The following ADAM33 variants were observed in gnomAD, a reference collection of about 807,000 sequenced individuals.
The protein encoded by ADAM33 is disintegrin and metalloproteinase domain-containing protein 33.
ADAM33 carries 103 observed loss-of-function variants against 106.2 expected under a neutral mutation model. That is an observed-to-expected ratio of 0.97 (90% CI 0.83 to 1.14). The LOEUF (loss-of-function observed/expected upper bound fraction) is 1.14, where lower values mean the gene tolerates loss of function less well. Ranked by LOEUF, ADAM33 falls within the 50% of genes most tolerant of loss-of-function variation. The probability of loss-of-function intolerance (pLI) is 0.00; values close to 1 mark genes in which losing one functional copy is unlikely to be tolerated. For missense variants in ADAM33, 1,120 were observed against 1,096.6 expected, an observed-to-expected ratio of 1.02 and a Z score of -0.30; for synonymous variants, 483 against 453.0, an observed-to-expected ratio of 1.07 and a Z score of -0.84.
At position 3,672,754 on chromosome 20, in the gene ADAM33, T is replaced by C. The variant is rs1009190461; in HGVS notation, c.1278A>G (p.Glu426=). ...GGCCGCAGTCACACTCCTCGCCCGC[T>C]TCCACGAAGCCGTTCCCGCAGAGCG... ...PPALCGNGFV[E]AGEECDCGPG... is the part of the protein sequence containing the mutation. The change falls in exon 12 of 22, where the codon GAA becomes GAG. Residue 426 remains glutamate (E), a synonymous_variant. Coordinates refer to ENST00000356518, the MANE Select transcript of ADAM33 (RefSeq NM_025220.5). The C allele has an allele frequency of 1.3e-6, 2 of 1,569,152 alleles. No individual in the cohort carries two copies. The highest frequency in any genetic ancestry group is 1.7e-6 in the Non-Finnish European group (2 of 1,157,078).
chr20:3,678,987 C>T (rs2088210678), intron 2 of ADAM33, among the ~76,000 whole-genome samples: 2 of 152,038 alleles, frequency 1.3e-5, no homozygotes, highest in Non-Finnish European at 2.9e-5. Context: ...AGGAGAGTGA[C>T]CACTGCCCCC....
chr20:3,673,796 C>A lies in ADAM33; in HGVS notation c.854G>T (p.Trp285Leu). 1 of 1,539,536 alleles carries A rather than the reference C, an allele frequency of 6.5e-7. No individual in the cohort carries two copies. Among genetic ancestry groups the A allele is most frequent in the Non-Finnish European group, 8.7e-7 (1 of 1,148,760 alleles). Reference sequence around the variant, plus strand: ...CCGCTGCGCCCACAGCCCCCGGCGCCACTGCAGGAAGGCCCAGAGCGTGGC... The same window carrying A: ...CCGCTGCGCCCACAGCCCCCGGCGCAACTGCAGGAAGGCCCAGAGCGTGGC... ...ANATLWAFLQ[W>L]RRGLWAQRPH... Residue 285 changes from tryptophan to leucine, a missense_variant, in exon 9 of 22, where the codon TGG becomes TTG. Trp to Leu is a moderately conservative substitution (Grantham distance 61). Transcript: ENST00000356518.
chr20:3,678,759 A>G (rs2088189308), intron 2 of ADAM33, among the ~76,000 whole-genome samples: 1 of 152,230 alleles, frequency 6.6e-6, no homozygotes, highest in African/African-American at 2.4e-5. Flanking sequence ...CTGTGTGACC[A>G]TGGACAATTT....
chr20:3,672,809 G>T lies in ADAM33; in HGVS notation c.1223C>A (p.Ala408Asp). 6.3e-7 allele frequency: 1 copy of T among 1,577,890 alleles called. No individual in the cohort carries two copies. The highest frequency in any genetic ancestry group is 8.6e-7 in the Non-Finnish European group (1 of 1,165,598). The change falls in exon 12 of 22, where the codon GCC becomes GAC. Residue 408 changes from alanine to aspartate, a missense_variant. Ala to Asp is a moderately radical substitution (Grantham distance 126, BLOSUM62 -2). Transcript: ENST00000356518. ...CGGCACCGGGAGTCCGGGGTCCGGG[G>T]CATTGGAGAGGCAAGCGCCGCCCCC... ...RKGGGACLSNAPDPGLPVPPA... is the reference protein window; with the variant it reads ...RKGGGACLSNDPDPGLPVPPA...
intron 2 of ADAM33, among the ~76,000 whole-genome samples, chr20:3,678,702 TA>T (rs1484109327): frequency 6.6e-6 from 1 of 152,210 alleles, no homozygotes; most frequent in African/African-American, 2.4e-5. Context: ...GCCAATGGTT[TA>T]AAATCGTTCA....
In ADAM33 at chr20:3,677,061, A is replaced by T. The variant is rs2088033384; in HGVS notation, c.254+6T>A. 1.9e-6 allele frequency: 3 copies of T among 1,612,092 alleles called. No individual in the cohort carries two copies. Among genetic ancestry groups the T allele is most frequent in the Non-Finnish European group, 2.5e-6 (3 of 1,179,618 alleles). On this transcript the variant is annotated splice_donor_region_variant and intron_variant, in intron 3 of 21. Coordinates refer to ENST00000356518, the MANE Select transcript of ADAM33 (RefSeq NM_025220.5). ...CCTCCCAGCCCTACCCCAGCCTGGC[A>T]CTCACTGGTTCTTCTCCAGCTCAAG...
rs755199691 is a variant in ADAM33, at chr20:3,672,114, G to A, written c.1597+20C>T. 1.2e-6 allele frequency: 2 copies of A among 1,605,144 alleles called. No homozygotes were observed. The highest frequency in any genetic ancestry group is 2.2e-5 in the South Asian group (2 of 90,176). ...CCAGAGGATGGGGGGCAGGGTGCAAGGGTGCTCGTGTCCTCTCACCAGGCC... is the reference window on the plus strand; with the variant it reads ...CCAGAGGATGGGGGGCAGGGTGCAAAGGTGCTCGTGTCCTCTCACCAGGCC... On this transcript the variant is annotated intron_variant, in intron 14 of 21. Coordinates refer to ENST00000356518, the MANE Select transcript of ADAM33 (RefSeq NM_025220.5).
In ADAM33 at chr20:3,673,360, G is replaced by A; in HGVS notation, c.1127C>T (p.Ala376Val). The change falls in exon 11 of 22, where the codon GCC (alanine) becomes GTC (valine). Residue 376 changes from alanine (A) to valine (V), a missense_variant. Transcript: ENST00000356518. ...CGACCCCCCACCCGCGTACCCGGTGGCCGCAGCCATGACGCAGCCTCCGGA... is the reference window on the plus strand; with the variant it reads ...CGACCCCCCACCCGCGTACCCGGTGACCGCAGCCATGACGCAGCCTCCGGA... ...AESGGCVMAA[A>V]TGHPFPRVFS... 6.5e-7 allele frequency: 1 copy of A among 1,539,190 alleles called. No homozygotes were observed. Among genetic ancestry groups the A allele is most frequent in the Non-Finnish European group, 8.7e-7 (1 of 1,148,964 alleles).
intron 3 of ADAM33, among the ~76,000 whole-genome samples, chr20:3,676,172 C>A (rs534303355): frequency 6.6e-6 from 1 of 152,256 alleles, no homozygotes; most frequent in African/African-American, 2.4e-5. Flanking sequence ...GGACACCCAC[C>A]CCACCCAGCC....
chr20:3,680,861 G>A (rs564430157), intron 1 of ADAM33, among the ~76,000 whole-genome samples: 2 of 152,286 alleles, frequency 1.3e-5, no homozygotes, highest in South Asian at 2.1e-4. Context: ...AGGGAGAGAG[G>A]GGCAGAGCTG....
Position 3,669,259 on chromosome 20 carries a change from C to T in ADAM33, c.2404+40G>A, listed in dbSNP as rs759806413. 1.8e-5 allele frequency: 27 copies of T among 1,523,846 alleles called. 1 individual carries two copies. The Middle Eastern group carries it at 6.9e-4, about 39-fold the overall frequency. 94.4% of individuals were successfully genotyped at this position (1,523,846 alleles called of 1,614,324 possible). A position where few individuals can be genotyped will look rare whatever the true frequency, so the allele number is the denominator to read the frequency against. ...GGGGTGGGAGAGGTGGGAGGGTGGG[C>T]GATGAGAGGGGGAGGCTTTGAATCC... On this transcript the variant is annotated intron_variant, in intron 21 of 21. Coordinates refer to ENST00000356518, the MANE Select transcript of ADAM33 (RefSeq NM_025220.5).
chr20:3,669,222 G>T, intron 21 of ADAM33, 77 bp downstream of exon 21: 2 of 1,281,394 alleles, frequency 1.6e-6, no homozygotes, highest in Non-Finnish European at 1.1e-6. Context: ...TGATTAGGGG[G>T]CAGCAAACTG....
Position 3,681,981 on chromosome 20 carries a change from A to T in ADAM33, c.24T>A (p.Ala8=), listed in dbSNP as rs1488628436. The T allele has an allele frequency of 7.1e-6, 11 of 1,541,002 alleles. No homozygotes were observed. The highest frequency in any genetic ancestry group is 8.7e-6 in the Non-Finnish European group (10 of 1,143,408). MGWRPRR[A]RGTPLLLLLL... ...GCAGCAGCAGCAACGGGGTCCCCCG[A>T]GCTCTCCGGGGCCTCCAGCCCATAG... The change falls in exon 1 of 22, where the codon GCT becomes GCA. Residue 8 remains alanine, a synonymous_variant. Coordinates refer to ENST00000356518, the MANE Select transcript of ADAM33 (RefSeq NM_025220.5).
chr20:3,673,847 C>A lies in ADAM33; in HGVS notation c.803G>T (p.Arg268Leu). 1 of 1,561,356 alleles carries A rather than the reference C, an allele frequency of 6.4e-7. No homozygotes were observed. Among genetic ancestry groups the A allele is most frequent in the South Asian group, 1.2e-5 (1 of 86,122 alleles). Residue 268 changes from arginine to leucine, a missense_variant, in exon 9 of 22, where the codon CGC becomes CTC. Arg to Leu is a moderately radical substitution (Grantham distance 102). Coordinates refer to ENST00000356518, the MANE Select transcript of ADAM33 (RefSeq NM_025220.5). ...GTTGGCGTCCTGCGTGACGCGGCTG[C>A]GGTCCCGCTCGGTCCACACCTCCAG... ...TGLEVWTERD[R>L]SRVTQDANAT... is the part of the protein sequence containing the mutation.
intron 19 of ADAM33, chr20:3,670,253 C>T (rs2087445150): frequency 6.0e-6 from 1 of 167,174 alleles, no homozygotes; most frequent in Admixed American, 5.8e-5. Context: ...CACCCGGGGC[C>T]CAGGTGGTGC....
At position 3,672,139 on chromosome 20, in the gene ADAM33, C is replaced by A; in HGVS notation, c.1592G>T (p.Gly531Val). Residue 531 changes from glycine to valine, a missense_variant, in exon 14 of 22, where the codon GGG (glycine) becomes GTG (valine). Coordinates refer to ENST00000356518, the MANE Select transcript of ADAM33 (RefSeq NM_025220.5). ...TLEQQCQQLWGPGSHPAPEAC... is the reference protein window; with the variant it reads ...TLEQQCQQLWVPGSHPAPEAC... The stretch of plus-strand genomic sequence containing the variant: ...GGGTGCTCGTGTCCTCTCACCAGGC[C>A]CCCAGAGCTGCTGGCACTGCTGCTC... 6.2e-7 allele frequency: 1 copy of A among 1,610,650 alleles called. No homozygotes were observed. The highest frequency in any genetic ancestry group is 8.5e-7 in the Non-Finnish European group (1 of 1,178,406).
rs1165807726 is a variant in ADAM33, at chr20:3,671,737, G to A, written c.1749C>T (p.Pro583=). Residue 583 remains proline, a synonymous_variant, in exon 16 of 22, where the codon CCC becomes CCT. Coordinates refer to ENST00000356518, the MANE Select transcript of ADAM33 (RefSeq NM_025220.5). ...GCACCATGTGCGGTGCGAGCAGGCT[G>A]GGCTTTCCACCCTGGCACTGCAGCT... The part of the protein sequence containing the change: ...CGKLQCQGGK[P]SLLAPHMVPV... 1.9e-6 allele frequency: 3 copies of A among 1,581,316 alleles called. No individual in the cohort carries two copies. In the African/African-American group the frequency reaches 4.0e-5, roughly 21 times the overall value.
chr20:3,680,383 C>G lies in ADAM33; in HGVS notation c.98-812G>C, dbSNP rs79400185. The stretch of plus-strand genomic sequence containing the variant: ...AGCTCCCAGAACAGACAGCCTCCCC[C>G]CTCCACGCAGCCCTGGCCTCAGTCC... On this transcript the variant is annotated intron_variant, in intron 1 of 21. Coordinates refer to ENST00000356518, the MANE Select transcript of ADAM33 (RefSeq NM_025220.5). 5.8e-3 allele frequency among the ~76,000 whole-genome samples: 885 copies of G among 152,206 alleles called. 21 individuals are homozygous for G. In the East Asian group the frequency reaches 0.087, roughly 15 times the overall value.
intron 2 of ADAM33, 79 bp downstream of exon 2, chr20:3,679,413 A>G: frequency 2.1e-6 from 3 of 1,453,136 alleles, no homozygotes; most frequent in Non-Finnish European, 2.8e-6. Flanking sequence ...CAGCAAAACT[A>G]GAAGCTGTAA....
Sources: allele counts gnomAD v4.1 joint callset (sites outside exome capture counted in the v4.1 genomes callset), GRCh38; gene constraint gnomAD v4.1.1; transcripts MANE v1.5; gene names NCBI Gene and HGNC (gene_info 2026-07-23, HGNC 2026-07-21).